GSTCD: variants seen among roughly 807,000 people sequenced by gnomAD.
GSTCD encodes glutathione S-transferase C-terminal domain containing.
GSTCD carries 44 observed loss-of-function variants against 68.3 expected under a neutral mutation model. That is an observed-to-expected ratio of 0.64 (90% CI 0.51 to 0.83). The LOEUF (loss-of-function observed/expected upper bound fraction) is 0.83. Among genes scored for constraint, GSTCD ranks in the 40% least tolerant of loss-of-function variants. The pLI, the probability that GSTCD is intolerant of heterozygous loss-of-function variation, is 0.00. For missense variants in GSTCD, 739 were observed against 735.9 expected (o/e 1.00, Z -0.05); for synonymous variants, 273 against 255.2 (o/e 1.07, Z -0.67).
At chr4:105,843,774 G>A (rs966322210) in intron 11 of GSTCD, among the ~76,000 whole-genome samples, 5 of 151,968 alleles carry the variant, frequency 3.3e-5, no homozygotes, top group Non-Finnish European at 5.9e-5. Context: ...CTTTCTGGAG[G>A]ACACATTCAA....
chr4:105,774,287 T>C (rs1198202095), intron 5 of GSTCD, among the ~76,000 whole-genome samples: 1 of 152,226 alleles, frequency 6.6e-6, no homozygotes, highest in Non-Finnish European at 1.5e-5. Context: ...AGCACACTGA[T>C]GGGTCTTGAC....
intron 8 of GSTCD, among the ~76,000 whole-genome samples, chr4:105,830,992 CAG>C (rs1171801099): frequency 6.6e-6 from 1 of 152,088 alleles, no homozygotes; most frequent in Non-Finnish European, 1.5e-5. Context: ...TATAGAAAAA[CAG>C]ATTTTCAGGA....
At chr4:105,810,586 A>G (rs1277989892) in intron 5 of GSTCD, among the ~76,000 whole-genome samples, 3 of 152,138 alleles carry the variant, frequency 2.0e-5, no homozygotes, top group Admixed American at 2.0e-4. Flanking sequence ...ATAAAATTAA[A>G]TGATTGATTT....
intron 5 of GSTCD, among the ~76,000 whole-genome samples, chr4:105,770,539 C>G (rs1461507505): frequency 1.3e-5 from 2 of 152,222 alleles, no homozygotes; most frequent in East Asian, 3.9e-4. Context: ...CAAACTCTAA[C>G]AGGCCCTGGA....
In GSTCD at chr4:105,845,643, A is replaced by C; in HGVS notation, c.*66A>C. 1 of 1,549,310 alleles carries C rather than the reference A, an allele frequency of 6.5e-7. No individual in the cohort carries two copies. The highest frequency in any genetic ancestry group is 8.9e-7 in the Non-Finnish European group (1 of 1,127,130). On this transcript the variant is annotated 3_prime_UTR_variant, in exon 12 of 12. Coordinates refer to ENST00000515279, the MANE Select transcript of GSTCD (RefSeq NM_001370181.1). Reference sequence around the variant, plus strand: ...CGTTGGATGCCCAGTGGCATTCAGGAGGTTCTTGGCATAACTAGGAAACAG... The same window carrying C: ...CGTTGGATGCCCAGTGGCATTCAGGCGGTTCTTGGCATAACTAGGAAACAG...
chr4:105,789,716 C>G (rs541374295), intron 5 of GSTCD, among the ~76,000 whole-genome samples: 1 of 152,050 alleles, frequency 6.6e-6, no homozygotes, highest in African/African-American at 2.4e-5. Context: ...AAGTGAGTCA[C>G]TAGGTTCAGC....
Position 105,842,150 on chromosome 4 carries a change from G to A in GSTCD, c.1765+16G>A. On this transcript the variant is annotated intron_variant, in intron 11 of 11. Coordinates refer to ENST00000515279, the MANE Select transcript of GSTCD (RefSeq NM_001370181.1). ...AGGCTCATAGGTATGTGTTTTCACA[G>A]AGCAGCTGTTGAGTGTATTATGCAC... 1 of 1,607,010 alleles carries A rather than the reference G, an allele frequency of 6.2e-7. No individual in the cohort carries two copies. The highest frequency in any genetic ancestry group is 8.5e-7 in the Non-Finnish European group (1 of 1,173,584).
chr4:105,744,226 A>G (rs752746252), intron 5 of GSTCD, among the ~76,000 whole-genome samples: 3 of 152,224 alleles, frequency 2.0e-5, no homozygotes, highest in Non-Finnish European at 4.4e-5. Context: ...GGAATATCAC[A>G]GATGCGATGT....
chr4:105,784,174 C>T (rs1735380725), intron 5 of GSTCD, among the ~76,000 whole-genome samples: 1 of 152,190 alleles, frequency 6.6e-6, no homozygotes, highest in African/African-American at 2.4e-5. Context: ...TTTCATTTAG[C>T]ATCTGTCGTA....
At chr4:105,749,464 T>A (rs969532287) in intron 5 of GSTCD, among the ~76,000 whole-genome samples, 24 of 151,858 alleles carry the variant, frequency 1.6e-4, no homozygotes, top group African/African-American at 5.8e-4. Context: ...GCTATAGTAA[T>A]TGGAGAGATA....
Position 105,717,747 on chromosome 4 carries a change from T to C in GSTCD, c.134T>C (p.Ile45Thr). The C allele has an allele frequency of 6.2e-7, 1 of 1,613,900 alleles. No homozygotes were observed. The highest frequency in any genetic ancestry group is 1.7e-5 in the Admixed American group (1 of 59,982). The change falls in exon 2 of 12, where the codon ATC becomes ACC. Residue 45 changes from isoleucine to threonine, a missense_variant. By Grantham distance (89) the Ile-to-Thr change is moderately conservative. Coordinates refer to ENST00000515279, the MANE Select transcript of GSTCD (RefSeq NM_001370181.1). ...CTGTTATCTTACTGTGACTGTAAAA[T>C]CTTTAAAATTTGCTTAGTTGTCACC... is the stretch of plus-strand genomic sequence containing the variant. ...LFLLSYCDCK[I>T]FKICLVVTKE... is the part of the protein sequence containing the mutation.
chr4:105,824,972 C>G (rs1723516245), intron 7 of GSTCD, among the ~76,000 whole-genome samples: 1 of 152,136 alleles, frequency 6.6e-6, no homozygotes, highest in Non-Finnish European at 1.5e-5. Context: ...GTTACTTCCC[C>G]ATGAAAATAG....
At chr4:105,743,159 C>T (rs900883721) in intron 5 of GSTCD, among the ~76,000 whole-genome samples, 1 of 151,998 alleles carries the variant, frequency 6.6e-6, no homozygotes, top group Admixed American at 6.6e-5. Flanking sequence ...ACCATGTTAG[C>T]CAGGATGGTC....
chr4:105,744,895 T>C (rs1733750056), intron 5 of GSTCD, among the ~76,000 whole-genome samples: 1 of 152,162 alleles, frequency 6.6e-6, no homozygotes, highest in African/African-American at 2.4e-5. Context: ...TATTAGGAAA[T>C]AGATGTATGC....
intron 5 of GSTCD, among the ~76,000 whole-genome samples, chr4:105,763,496 C>T (rs1233422031): frequency 6.6e-6 from 1 of 152,130 alleles, no homozygotes; most frequent in African/African-American, 2.4e-5. Context: ...CACAAGGTCC[C>T]ACAACTAGTA....
At chr4:105,816,706 G>A (rs889716955) in intron 5 of GSTCD, among the ~76,000 whole-genome samples, 29 of 151,956 alleles carry the variant, frequency 1.9e-4, no homozygotes, top group Admixed American at 1.9e-3. Flanking sequence ...AAAGACACCA[G>A]CATTGAAATT....
chr4:105,791,513 G>A (rs1735675291), intron 5 of GSTCD, among the ~76,000 whole-genome samples: 1 of 151,908 alleles, frequency 6.6e-6, no homozygotes, highest in Non-Finnish European at 1.5e-5. Flanking sequence ...TCATTGATGT[G>A]TCTCAGTGCA....
chr4:105,732,152 CT>C lies in GSTCD; in HGVS notation c.1240+2660del, dbSNP rs1326369007. ...TCATCAGGGATATTGGTCTAAAATT[CT>C]TTTTTTGTTGTGTTTCTGCCAGGCT... is the stretch of plus-strand genomic sequence containing the variant. On this transcript the variant is annotated intron_variant, in intron 5 of 11. Coordinates refer to ENST00000515279, the MANE Select transcript of GSTCD (RefSeq NM_001370181.1). Among the ~76,000 whole-genome samples, 7 of 152,112 alleles carry C rather than the reference CT, an allele frequency of 4.6e-5. No individual in the cohort carries two copies. In the East Asian group the frequency reaches 1.4e-3, roughly 29 times the overall value.
chr4:105,828,895 C>T (rs914209090), intron 8 of GSTCD, among the ~76,000 whole-genome samples: 9 of 152,034 alleles, frequency 5.9e-5, no homozygotes, highest in Non-Finnish European at 1.0e-4. Flanking sequence ...TACCTCTCCC[C>T]AACTCCTAAG....
Sources: allele counts gnomAD v4.1 joint callset (sites outside exome capture counted in the v4.1 genomes callset), GRCh38; gene constraint gnomAD v4.1.1; transcripts MANE v1.5; gene names NCBI Gene and HGNC (gene_info 2026-07-23, HGNC 2026-07-21).